Variants in LRMDA observed in about 807,000 individuals in gnomAD.
The protein encoded by LRMDA is leucine rich melanocyte differentiation associated.
LRMDA carries 18 observed loss-of-function variants against 29.8 expected under a neutral mutation model. That is an observed-to-expected ratio of 0.60 (90% CI 0.42 to 0.90). LRMDA has a LOEUF of 0.90. Among genes scored for constraint, LRMDA ranks in the 40% least tolerant of loss-of-function variants. The pLI is 0.00. For missense variants in LRMDA, 273 were observed against 273.9 expected (o/e 1.00, Z 0.02); for synonymous variants, 125 against 109.4 (o/e 1.14, Z -0.89).
intron 6 of LRMDA, among the ~76,000 whole-genome samples, chr10:76,384,064 G>T (rs1011110870): frequency 2.0e-5 from 3 of 151,716 alleles, no homozygotes; most frequent in Non-Finnish European, 4.4e-5. Context: ...CTCCCAAAGA[G>T]CATGGTCCTT....
chr10:76,410,668 T>G (rs996511878), intron 6 of LRMDA, among the ~76,000 whole-genome samples: 1 of 151,944 alleles, frequency 6.6e-6, no homozygotes, highest in African/African-American at 2.4e-5. Flanking sequence ...ATTACAAAGA[T>G]CATTCTGGCT....
intron 2 of LRMDA, among the ~76,000 whole-genome samples, chr10:75,608,943 A>G (rs1840993762): frequency 6.6e-6 from 1 of 152,252 alleles, no homozygotes; most frequent in African/African-American, 2.4e-5. Flanking sequence ...AACACGACCA[A>G]CAGTTTGTCT....
chr10:76,473,937 ACT>A (rs1842642713), intron 6 of LRMDA, among the ~76,000 whole-genome samples: 1 of 151,564 alleles, frequency 6.6e-6, no homozygotes, highest in South Asian at 2.1e-4. Flanking sequence ...AACACAATTG[ACT>A]CTCTAGCCCC....
At chr10:75,629,923 A>G (rs555950998) in intron 2 of LRMDA, among the ~76,000 whole-genome samples, 3 of 152,360 alleles carry the variant, frequency 2.0e-5, no homozygotes, top group South Asian at 2.1e-4. Flanking sequence ...ATCATCTGCA[A>G]TCAGAATTTA....
chr10:76,386,525 T>C (rs1841661642), intron 6 of LRMDA, among the ~76,000 whole-genome samples: 1 of 152,188 alleles, frequency 6.6e-6, no homozygotes. Flanking sequence ...TAGTTTCTTT[T>C]CAGTTTTATT....
intron 2 of LRMDA, among the ~76,000 whole-genome samples, chr10:75,977,686 G>A (rs1469267232): frequency 6.6e-6 from 1 of 152,184 alleles, no homozygotes; most frequent in African/African-American, 2.4e-5. Context: ...TTTAGCCTTT[G>A]GGGAGCTGCC....
At chr10:76,145,507 G>A (rs1029671986) in intron 5 of LRMDA, among the ~76,000 whole-genome samples, 1 of 152,118 alleles carries the variant, frequency 6.6e-6, no homozygotes, top group Non-Finnish European at 1.5e-5. Flanking sequence ...TCTGATAGTA[G>A]TTTGTATTTC....
chr10:76,171,744 A>C (rs1850843896), intron 5 of LRMDA, among the ~76,000 whole-genome samples: 1 of 152,134 alleles, frequency 6.6e-6, no homozygotes, highest in Non-Finnish European at 1.5e-5. Context: ...GAGCAGGTGG[A>C]TTTCTGCTCC....
rs183061021 is a variant in LRMDA, at chr10:75,654,008, C to T, written c.131+215514C>T. On this transcript the variant is annotated intron_variant, in intron 2 of 6. Coordinates refer to ENST00000611255, the MANE Select transcript of LRMDA (RefSeq NM_001305581.2). ...GTTGGCCTCTATGTGGACATTTGGT[C>T]CCCAGTGCCGGAAGTCACACCCATA... Among the ~76,000 whole-genome samples the T allele has an allele frequency of 7.9e-5, 12 of 152,288 alleles. No homozygotes were observed. The East Asian group carries it at 2.3e-3, about 29-fold the overall frequency.
At chr10:75,743,083 C>A (rs867110333) in intron 2 of LRMDA, among the ~76,000 whole-genome samples, 1 of 151,844 alleles carries the variant, frequency 6.6e-6, no homozygotes, top group African/African-American at 2.4e-5. Flanking sequence ...AGATTATGGT[C>A]TGTGTGGAGA....
intron 2 of LRMDA, among the ~76,000 whole-genome samples, chr10:75,639,157 C>T (rs1053289030): frequency 6.6e-5 from 10 of 152,152 alleles, no homozygotes; most frequent in Non-Finnish European, 1.3e-4. Flanking sequence ...CGTTCCCCAC[C>T]TGTGATACGT....
chr10:76,317,434 G>A (rs1426336607), intron 5 of LRMDA, among the ~76,000 whole-genome samples: 1 of 151,952 alleles, frequency 6.6e-6, no homozygotes, highest in Non-Finnish European at 1.5e-5. Flanking sequence ...AAAAATATTT[G>A]ATGGACTAGG....
rs552339023 is a variant in LRMDA at position 75,522,616 on chromosome 10, G to A, written c.131+84122G>A. Among the ~76,000 whole-genome samples, 17 of 152,330 alleles carry A rather than the reference G, an allele frequency of 1.1e-4. No homozygotes were observed. In the South Asian group the frequency reaches 3.1e-3, roughly 28 times the overall value. On this transcript the variant is annotated intron_variant, in intron 2 of 6. Coordinates refer to ENST00000611255, the MANE Select transcript of LRMDA (RefSeq NM_001305581.2). Reference sequence around the variant, plus strand: ...GGCAGATTGTCCTAGTCACCCATCCGTGAGTGGTAGAGGGGACCTGGGTCC... The same window carrying A: ...GGCAGATTGTCCTAGTCACCCATCCATGAGTGGTAGAGGGGACCTGGGTCC...
At chr10:76,518,637 T>C (rs1843088208) in intron 6 of LRMDA, among the ~76,000 whole-genome samples, 1 of 152,140 alleles carries the variant, frequency 6.6e-6, no homozygotes, top group African/African-American at 2.4e-5. Flanking sequence ...TTTGAGATGT[T>C]AAATATGAAA....
intron 2 of LRMDA, among the ~76,000 whole-genome samples, chr10:75,960,850 C>T (rs1049179712): frequency 6.7e-6 from 1 of 148,632 alleles, no homozygotes; most frequent in Non-Finnish European, 1.5e-5. Flanking sequence ...CTCCTGACCT[C>T]GTGATCCACC....
Position 76,134,185 on chromosome 10 carries a change from C to T in LRMDA, c.516+75402C>T, listed in dbSNP as rs763584304. Among the ~76,000 whole-genome samples the T allele has an allele frequency of 6.6e-5, 10 of 152,230 alleles. No individual in the cohort carries two copies. The South Asian group carries it at 1.0e-3, about 16-fold the overall frequency. ...TCCCTGACAAAGATGAATCACGGCC[C>T]GTGGATCCAGTTTCTGAGAGAATTT... On this transcript the variant is annotated intron_variant, in intron 5 of 6. Transcript: ENST00000611255.
chr10:75,594,932 C>T (rs1440190098), intron 2 of LRMDA, among the ~76,000 whole-genome samples: 1 of 152,018 alleles, frequency 6.6e-6, no homozygotes, highest in Non-Finnish European at 1.5e-5. Context: ...CATATGTTCA[C>T]TATATATTGA....
intron 2 of LRMDA, among the ~76,000 whole-genome samples, chr10:75,522,968 A>T (rs1845377368): frequency 6.6e-6 from 1 of 152,176 alleles, no homozygotes; most frequent in Non-Finnish European, 1.5e-5. Flanking sequence ...GTGGTGAAGG[A>T]GATGGCATTT....
At chr10:75,629,120 C>T (rs1393802346) in intron 2 of LRMDA, among the ~76,000 whole-genome samples, 1 of 152,214 alleles carries the variant, frequency 6.6e-6, no homozygotes, top group Admixed American at 6.5e-5. Context: ...CCACAGAGCA[C>T]TCAGTTACCT....
Sources: allele counts gnomAD v4.1 joint callset (sites outside exome capture counted in the v4.1 genomes callset), GRCh38; gene constraint gnomAD v4.1.1; transcripts MANE v1.5; gene names NCBI Gene and HGNC (gene_info 2026-07-23, HGNC 2026-07-21).